Variants in KLF13 observed in about 807,000 individuals in gnomAD.
The protein encoded by KLF13 is Krueppel-like factor 13.
Under a neutral mutation model 16.7 loss-of-function variants are expected in KLF13, and 8 were observed. That is an observed-to-expected ratio of 0.48 (90% CI 0.28 to 0.87). The LOEUF is 0.87. Among genes scored for constraint, KLF13 ranks in the 40% least tolerant of loss-of-function variants. The pLI is 0.10. For synonymous variants in KLF13, 245 were observed against 208.4 expected, an observed-to-expected ratio of 1.18 and a Z score of -1.51; for missense variants, 447 against 452.2, an observed-to-expected ratio of 0.99 and a Z score of 0.10.
intron 1 of KLF13, chr15:31,339,997 C>T (rs1336469599): frequency 1.4e-6 from 1 of 702,406 alleles, no homozygotes; most frequent in Admixed American, 2.0e-5. Context: ...GGTGAGGATC[C>T]AGGGAAGTGG....
intron 1 of KLF13, among the ~76,000 whole-genome samples, chr15:31,353,692 G>T (rs2039253062): frequency 1.3e-5 from 2 of 152,208 alleles, no homozygotes; most frequent in South Asian, 4.1e-4. Flanking sequence ...AAGAATAGCT[G>T]CTGGGAAGGG....
intron 1 of KLF13, among the ~76,000 whole-genome samples, chr15:31,358,931 A>G (rs2140954650): frequency 6.6e-6 from 1 of 152,334 alleles, no homozygotes; most frequent in South Asian, 2.1e-4. Context: ...AGGCGGGGGC[A>G]GTGGGGTCAG....
intron 1 of KLF13, among the ~76,000 whole-genome samples, chr15:31,413,431 G>A (rs897004067): frequency 6.6e-6 from 1 of 152,202 alleles, no homozygotes; most frequent in South Asian, 2.1e-4. Context: ...AAACATCATG[G>A]TGAAAACCAA....
intron 1 of KLF13, among the ~76,000 whole-genome samples, chr15:31,412,269 A>G (rs2040204828): frequency 1.3e-5 from 2 of 152,244 alleles, no homozygotes; most frequent in African/African-American, 2.4e-5. Context: ...TAGACTTTCT[A>G]ATTACCAGAA....
intron 1 of KLF13, among the ~76,000 whole-genome samples, chr15:31,342,856 T>C (rs1330618544): frequency 6.6e-6 from 1 of 152,210 alleles, no homozygotes; most frequent in Non-Finnish European, 1.5e-5. Flanking sequence ...ATTTCCGTCT[T>C]CCTGTGAGTG....
At chr15:31,384,428 T>C (rs1043898145) in intron 1 of KLF13, among the ~76,000 whole-genome samples, 2 of 152,204 alleles carry the variant, frequency 1.3e-5, no homozygotes, top group South Asian at 4.1e-4. Flanking sequence ...AGGCTCCTTC[T>C]CAAAAACATA....
intron 1 of KLF13, among the ~76,000 whole-genome samples, chr15:31,351,871 G>T (rs928920892): frequency 6.6e-6 from 1 of 152,136 alleles, no homozygotes; most frequent in African/African-American, 2.4e-5. Context: ...AAATTAGCTG[G>T]GTGTGGTGGC....
At chr15:31,333,772 A>G (rs1306220985) in intron 1 of KLF13, among the ~76,000 whole-genome samples, 2 of 152,196 alleles carry the variant, frequency 1.3e-5, no homozygotes, top group East Asian at 3.8e-4. Context: ...AGTTTAGGAT[A>G]GTTTCCCATC....
chr15:31,372,031 G>C lies in KLF13; in HGVS notation c.599G>C (p.Ser200Thr). 1 of 1,608,942 alleles carries C rather than the reference G, an allele frequency of 6.2e-7. No homozygotes were observed. Among genetic ancestry groups the C allele is most frequent in the African/African-American group, 1.3e-5 (1 of 75,012 alleles). The change falls in exon 2 of 2, where the codon AGC (serine) becomes ACC (threonine). Residue 200 changes from serine (S) to threonine (T), a missense_variant. Ser to Thr is a moderately conservative substitution (Grantham distance 58). This residue lies in a region of KLF13 where 88 missense variants were observed against 169.5 expected (regional missense o/e 0.52). Transcript: ENST00000307145. Reference protein sequence around the residue: ...THTGERPFACSWQDCNKKFAR... With the variant: ...THTGERPFACTWQDCNKKFAR... ...ACAGGTGAGAGGCCCTTCGCCTGCA[G>C]CTGGCAGGACTGCAACAAGAAGTTC...
At chr15:31,355,349 G>A (rs970623945) in intron 1 of KLF13, among the ~76,000 whole-genome samples, 22 of 152,172 alleles carry the variant, frequency 1.4e-4, no homozygotes, top group African/African-American at 5.1e-4. Flanking sequence ...AGAAGAAAGT[G>A]ATGCTCTAAG....
In KLF13 at chr15:31,377,535, C is replaced by T. The variant is rs1328812476; in HGVS notation, c.*5236C>T. On this transcript the variant is annotated 3_prime_UTR_variant, in exon 2 of 2. Transcript: ENST00000307145. ...TTCCCATCCAAAGCCATTGGTGGAG[C>T]TTCTCTGGAATCATTTGCCAAAAGC... is the stretch of plus-strand genomic sequence containing the variant. 1 of 152,640 alleles carries T rather than the reference C, an allele frequency of 6.6e-6. No homozygotes were observed. Among genetic ancestry groups the T allele is most frequent in the East Asian group, 1.9e-4 (1 of 5,196 alleles). The allele number at this position is 152,640 out of a possible 1,614,324, so 9.5% of individuals were successfully genotyped here. A position where few individuals can be genotyped will look rare whatever the true frequency, so the allele number is the denominator to read the frequency against.
At chr15:31,405,156 T>G (rs1032742425), downstream of KLF13, among the ~76,000 whole-genome samples, 7 of 152,072 alleles carry the variant, frequency 4.6e-5, no homozygotes, top group African/African-American at 1.7e-4. Flanking sequence ...GGTTAGTGCC[T>G]TAGAAAACAA....
intron 1 of KLF13, among the ~76,000 whole-genome samples, chr15:31,429,675 C>T (rs2040445690): frequency 6.6e-6 from 1 of 151,706 alleles, no homozygotes; most frequent in Non-Finnish European, 1.5e-5. Flanking sequence ...ACTTTATGAT[C>T]TTAGCACAGA....
chr15:31,329,185 G>T (rs1247372370), intron 1 of KLF13, among the ~76,000 whole-genome samples: 1 of 151,142 alleles, frequency 6.6e-6, no homozygotes, highest in Non-Finnish European at 1.5e-5. Flanking sequence ...TTCGGGGTCA[G>T]TTAAGGGTGT....
At chr15:31,389,492 C>T (rs139800027), upstream of KLF13, among the ~76,000 whole-genome samples, 211 of 152,308 alleles carry the variant, frequency 1.4e-3, 1 homozygote, top group African/African-American at 4.9e-3. Context: ...ACCCTCTGCA[C>T]CTTCTCCCTC....
intron 1 of KLF13, among the ~76,000 whole-genome samples, chr15:31,337,141 A>G (rs1449863939): frequency 6.6e-6 from 1 of 152,186 alleles, no homozygotes; most frequent in Non-Finnish European, 1.5e-5. Context: ...CAGGGGTGCC[A>G]TCTGCCCCCA....
At chr15:31,370,012 C>T (rs1251332366) in intron 1 of KLF13, among the ~76,000 whole-genome samples, 1 of 151,394 alleles carries the variant, frequency 6.6e-6, no homozygotes, top group African/African-American at 2.4e-5. Flanking sequence ...CTCTGTGCAG[C>T]CTGTCTCATG....
downstream of KLF13, among the ~76,000 whole-genome samples, chr15:31,380,535 G>T (rs1050556469): frequency 2.0e-5 from 3 of 152,216 alleles, no homozygotes; most frequent in African/African-American, 7.2e-5. Flanking sequence ...TCCTAGCCTT[G>T]TTGGTCATGT....
chr15:31,378,721 G>A (rs2039688174), downstream of KLF13, among the ~76,000 whole-genome samples: 1 of 152,008 alleles, frequency 6.6e-6, no homozygotes, highest in Non-Finnish European at 1.5e-5. Flanking sequence ...TTTTTTTTGA[G>A]ACACAGTCTC....
Sources: allele counts gnomAD v4.1 joint callset (sites outside exome capture counted in the v4.1 genomes callset), GRCh38; gene constraint gnomAD v4.1.1; regional missense constraint gnomAD v4.1.1; transcripts MANE v1.5; gene names NCBI Gene and HGNC (gene_info 2026-07-23, HGNC 2026-07-21).